RCOR1: variants seen among roughly 807,000 people sequenced by gnomAD.
The protein encoded by RCOR1 is REST corepressor.
A neutral mutation model predicts 64.0 loss-of-function variants in RCOR1; 12 were observed. The ratio of observed to expected loss-of-function variants is 0.19; its 90% confidence interval spans 0.12 to 0.30. RCOR1 has a LOEUF of 0.30. Among genes scored for constraint, RCOR1 ranks in the 10% least tolerant of loss-of-function variants. RCOR1 has a pLI of 1.00. For missense variants in RCOR1, 502 were observed against 621.2 expected (o/e 0.81, Z 2.04); for synonymous variants, 279 against 227.2 (o/e 1.23, Z -2.05).
intron 2 of RCOR1, among the ~76,000 whole-genome samples, chr14:102,664,962 G>T (rs60360610): frequency 6.6e-6 from 1 of 152,106 alleles, no homozygotes; most frequent in East Asian, 1.9e-4. Flanking sequence ...TCTTTTCCTC[G>T]GCTAGCAATA....
intron 2 of RCOR1, 53 bp from the exon 3 acceptor site, chr14:102,681,842 C>G (rs542180900): frequency 7.7e-7 from 1 of 1,292,252 alleles, no homozygotes; most frequent in African/African-American, 1.5e-5. Context: ...TTACTTATAG[C>G]TTATTATATG....
At chr14:102,612,509 A>AT (rs1257552552) in intron 2 of RCOR1, among the ~76,000 whole-genome samples, 2 of 150,974 alleles carry the variant, frequency 1.3e-5, no homozygotes, top group African/African-American at 4.9e-5. Context: ...TGATTTTTGT[A>AT]TTTTTTGTAG....
At chr14:102,671,681 C>T (rs1409671015) in intron 2 of RCOR1, among the ~76,000 whole-genome samples, 1 of 152,210 alleles carries the variant, frequency 6.6e-6, no homozygotes, top group East Asian at 1.9e-4. Flanking sequence ...TAAATAACAG[C>T]TTTACTACAA....
chr14:102,657,316 A>G, intron 2 of RCOR1: 2 of 985,360 alleles, frequency 2.0e-6, no homozygotes, highest in East Asian at 2.3e-4. Flanking sequence ...CCTCATGTTC[A>G]AGGAGTAATG....
Position 102,592,750 on chromosome 14 carries a change from G to C in RCOR1, c.-137G>C. 1 of 1,216,726 alleles carries C rather than the reference G, an allele frequency of 8.2e-7. No individual in the cohort carries two copies. The highest frequency in any genetic ancestry group is 1.0e-6 in the Non-Finnish European group (1 of 978,624). The allele number at this position is 1,216,726 out of a possible 1,614,324, so 75.4% of individuals were successfully genotyped here. On this transcript the variant is annotated 5_prime_UTR_variant, in exon 1 of 12. Coordinates refer to ENST00000262241, the MANE Select transcript of RCOR1 (RefSeq NM_015156.4). ...CGCTCTGCCCGTTTGGGCCTCCCCCGACTCGGACTCGCGCCCGTGGGCTCC... is the reference window on the plus strand; with the variant it reads ...CGCTCTGCCCGTTTGGGCCTCCCCCCACTCGGACTCGCGCCCGTGGGCTCC...
In RCOR1 at chr14:102,719,989, T is replaced by C. The variant is rs148143683; in HGVS notation, c.1054-1018T>C. ...GTAACTGAAAGACCACTGAGCAAGA[T>C]CCTAAGAGATTGTAATGTCTAGCAT... On this transcript the variant is annotated intron_variant, in intron 8 of 11. Transcript: ENST00000262241. 7.2e-3 allele frequency among the ~76,000 whole-genome samples: 1,097 copies of C among 152,282 alleles called. 15 individuals carry two copies. Among genetic ancestry groups the C allele is most frequent in the Middle Eastern group, 0.024 (7 of 294 alleles).
At chr14:102,610,640 G>A (rs979202687) in intron 2 of RCOR1, among the ~76,000 whole-genome samples, 2 of 152,070 alleles carry the variant, frequency 1.3e-5, no homozygotes, top group African/African-American at 4.8e-5. Flanking sequence ...TCAGCTTACT[G>A]CAAGCTCGCC....
At chr14:102,636,680 AT>A (rs1186376891) in intron 2 of RCOR1, among the ~76,000 whole-genome samples, 1 of 150,920 alleles carries the variant, frequency 6.6e-6, no homozygotes, top group Non-Finnish European at 1.5e-5. Context: ...GTTTATAAGA[AT>A]TTTTTTTGCT....
chr14:102,723,212 C>T (rs914964938), intron 11 of RCOR1, among the ~76,000 whole-genome samples: 2 of 152,236 alleles, frequency 1.3e-5, no homozygotes, highest in Non-Finnish European at 1.5e-5. Context: ...GTCACTTTCA[C>T]ATCAAAGCCT....
intron 3 of RCOR1, among the ~76,000 whole-genome samples, chr14:102,691,033 C>T (rs756203707): frequency 1.3e-5 from 2 of 152,190 alleles, no homozygotes; most frequent in Admixed American, 6.5e-5. Context: ...TTGTCCCTTA[C>T]CTTGTGGCTA....
Position 102,721,370 on chromosome 14 carries a change from C to A in RCOR1, c.1182C>A (p.Ala394=). Residue 394 remains alanine (A), a synonymous_variant, in exon 10 of 12, where the codon GCC becomes GCA. Transcript: ENST00000262241. The part of the protein sequence containing the change: ...ARWTTEEQLL[A]VQAIRKYGRD... ...GGACTACAGAAGAGCAGCTTCTCGCCGTACAAGGTAGGGGGAAGTTCTTCT... is the reference window on the plus strand; with the variant it reads ...GGACTACAGAAGAGCAGCTTCTCGCAGTACAAGGTAGGGGGAAGTTCTTCT... 1 of 1,612,904 alleles carries A rather than the reference C, an allele frequency of 6.2e-7. No individual in the cohort carries two copies. Among genetic ancestry groups the A allele is most frequent in the Non-Finnish European group, 8.5e-7 (1 of 1,179,036 alleles).
chr14:102,594,920 A>T (rs1481193559), intron 2 of RCOR1, among the ~76,000 whole-genome samples: 2 of 152,178 alleles, frequency 1.3e-5, no homozygotes, highest in Non-Finnish European at 2.9e-5. Context: ...CAAATCTTTG[A>T]GTAAGTTGGT....
chr14:102,674,840 C>T (rs960534411), intron 2 of RCOR1, among the ~76,000 whole-genome samples: 4 of 151,954 alleles, frequency 2.6e-5, no homozygotes, highest in East Asian at 1.9e-4. Context: ...TTTGGGAGGC[C>T]GAGGCGGGCG....
At chr14:102,599,137 TC>T (rs773238315) in intron 2 of RCOR1, among the ~76,000 whole-genome samples, 4 of 151,806 alleles carry the variant, frequency 2.6e-5, no homozygotes, top group Non-Finnish European at 4.4e-5. Context: ...TCCTTTTTTT[TC>T]CTTTTTTTTT....
chr14:102,694,555 G>A lies in RCOR1; in HGVS notation c.446-6723G>A, dbSNP rs1231531130. ...CTCCCAAAGTGCTAGGATTACAGGC[G>A]TGAGCCATTGCGCCCGGCCAAGAAA... On this transcript the variant is annotated intron_variant, in intron 3 of 11. Transcript: ENST00000262241. Among the ~76,000 whole-genome samples the A allele has an allele frequency of 2.0e-5, 3 of 152,324 alleles. No homozygotes were observed. The East Asian group carries it at 5.8e-4, about 29-fold the overall frequency.
At chr14:102,724,458 A>G (rs1014182094) in intron 11 of RCOR1, among the ~76,000 whole-genome samples, 1 of 151,698 alleles carries the variant, frequency 6.6e-6, no homozygotes, top group African/African-American at 2.4e-5. Context: ...CAGCCTCCCT[A>G]GTAGCTGGGA....
chr14:102,605,616 A>G (rs1228921702), intron 2 of RCOR1, among the ~76,000 whole-genome samples: 1 of 152,224 alleles, frequency 6.6e-6, no homozygotes, highest in Non-Finnish European at 1.5e-5. Flanking sequence ...GGAGTTATGT[A>G]TAGTACATAG....
chr14:102,699,032 A>AT (rs1387730350), intron 3 of RCOR1, among the ~76,000 whole-genome samples: 1 of 152,054 alleles, frequency 6.6e-6, no homozygotes, highest in African/African-American at 2.4e-5. Context: ...AACTACAGGC[A>AT]TGCGCCACCA....
intron 2 of RCOR1, among the ~76,000 whole-genome samples, chr14:102,640,717 G>A (rs1419140050): frequency 1.3e-5 from 2 of 152,220 alleles, no homozygotes; most frequent in African/African-American, 4.8e-5. Context: ...GCTCACGCCT[G>A]TAATTCCAGC....
Sources: gnomAD v4.1 joint callset for allele counts (sites outside exome capture counted in the v4.1 genomes callset) on GRCh38, gnomAD v4.1.1 for gene constraint, MANE v1.5 for transcripts, NCBI Gene and HGNC (gene_info 2026-07-23, HGNC 2026-07-21) for gene names.